Variants in SLC22A24 observed in about 807,000 individuals in gnomAD.
SLC22A24 encodes steroid transmembrane transporter SLC22A24.
In SLC22A24, 53 loss-of-function variants were observed where a neutral mutation model predicts 49.8. The ratio of observed to expected loss-of-function variants is 1.06; its 90% CI spans 0.85 to 1.34. The LOEUF is 1.34. Among genes scored for constraint, SLC22A24 ranks in the 40% most tolerant of loss-of-function variants. SLC22A24 has a pLI of 0.00. For missense variants in SLC22A24, 786 were observed against 675.9 expected, an observed-to-expected ratio of 1.16 and a Z score of -1.81; for synonymous variants, 302 against 256.4, an observed-to-expected ratio of 1.18 and a Z score of -1.70.
At chr11:63,115,197 G>T (rs2096780) in intron 4 of SLC22A24, among the ~76,000 whole-genome samples, 120,559 of 152,184 alleles carry the variant, frequency 0.79, 48,958 homozygotes, top group East Asian at 0.9. Flanking sequence ...CAGTAGGCCT[G>T]GCTGAGCTGT....
chr11:63,138,955 A>T (rs2087395431), intron 1 of SLC22A24, among the ~76,000 whole-genome samples: 4 of 152,262 alleles, frequency 2.6e-5, no homozygotes, highest in Middle Eastern at 6.8e-3. Context: ...TCTTTAAAGC[A>T]CCTAGGAGGT....
At chr11:63,129,335 A>T (rs2105765) in intron 2 of SLC22A24, among the ~76,000 whole-genome samples, 120,986 of 152,114 alleles carry the variant, frequency 0.8, 49,208 homozygotes, top group East Asian at 0.9. Context: ...ATCGGTCTAT[A>T]TATCTGTTTT....
chr11:63,116,299 C>T (rs11828937), intron 4 of SLC22A24: 2,941 of 244,946 alleles, frequency 0.012, 93 homozygotes, highest in African/African-American at 0.061. Flanking sequence ...TGCCATTTTT[C>T]GGACTGGTTG....
chr11:63,114,564 A>T (rs1295599354), intron 4 of SLC22A24, among the ~76,000 whole-genome samples: 1 of 152,178 alleles, frequency 6.6e-6, no homozygotes, highest in Non-Finnish European at 1.5e-5. Flanking sequence ...CTGTTAACTC[A>T]TCAAAGTAGC....
In SLC22A24 at chr11:63,143,605, C is replaced by T; in HGVS notation, c.175G>A (p.Val59Met). Residue 59 changes from valine to methionine, a missense_variant, in exon 1 of 10, where the codon GTG (valine) becomes ATG (methionine). By Grantham distance (21) the Val-to-Met change is conservative. Transcript: ENST00000612278. ...CWVPLLDNDT[V>M]SDNDTGTLSK... Reference sequence around the variant, plus strand: ...AGGGTCCCGGTATCATTGTCAGACACAGTGTCATTGTCCAGGAGGGGGACC... The same window carrying T: ...AGGGTCCCGGTATCATTGTCAGACATAGTGTCATTGTCCAGGAGGGGGACC... The T allele has an allele frequency of 6.3e-7, 1 of 1,578,718 alleles. No homozygotes were observed. Among genetic ancestry groups the T allele is most frequent in the Non-Finnish European group, 8.6e-7 (1 of 1,163,802 alleles).
At chr11:63,093,085 A>T (rs1303734559) in intron 6 of SLC22A24, among the ~76,000 whole-genome samples, 1 of 152,254 alleles carries the variant, frequency 6.6e-6, no homozygotes, top group African/African-American at 2.4e-5. Context: ...CAAACATGAA[A>T]AAAAGCTCAT....
At chr11:63,134,822 A>T in intron 1 of SLC22A24, 54 bp from the exon 2 acceptor site, 4 of 1,273,594 alleles carry the variant, frequency 3.1e-6, no homozygotes, top group Non-Finnish European at 4.5e-6. Context: ...TCAACTCTTT[A>T]GTAGAAACTG....
At position 63,137,055 on chromosome 11, in the gene SLC22A24, G is replaced by A. The variant is rs566188476; in HGVS notation, c.403-2287C>T. On this transcript the variant is annotated intron_variant, in intron 1 of 9. Coordinates refer to ENST00000612278, the MANE Select transcript of SLC22A24 (RefSeq NM_001136506.2). ...GGATTCTGTAGCCCTGTGGTGGGATGTCTGTAGCCCCATTGCAGGGTGTCT... is the reference window on the plus strand; with the variant it reads ...GGATTCTGTAGCCCTGTGGTGGGATATCTGTAGCCCCATTGCAGGGTGTCT... Among the ~76,000 whole-genome samples the A allele has an allele frequency of 3.0e-4, 46 of 152,224 alleles. 1 individual carries two copies. The highest frequency in any genetic ancestry group is 9.6e-4 in the African/African-American group (40 of 41,538).
Position 63,104,282 on chromosome 11 carries a change from C to G in SLC22A24, c.847G>C (p.Ala283Pro), listed in dbSNP as rs546936200. Residue 283 changes from alanine to proline, a missense_variant, in exon 5 of 10, where the codon GCT (alanine) becomes CCT (proline). Ala to Pro is a conservative substitution (Grantham distance 27). Transcript: ENST00000612278. ...FLSSWKMVES[A>P]RWLIINNQLD... Reference sequence around the variant, plus strand: ...TGATTGTTGATAATCAGCCACCGAGCAGACTCCACCATCTTCCTGATGAAA... The same window carrying G: ...TGATTGTTGATAATCAGCCACCGAGGAGACTCCACCATCTTCCTGATGAAA... 6.5e-6 allele frequency: 10 copies of G among 1,549,606 alleles called. No individual in the cohort carries two copies. The highest frequency in any genetic ancestry group is 1.7e-4 in the Middle Eastern group (1 of 5,990).
intron 6 of SLC22A24, among the ~76,000 whole-genome samples, chr11:63,088,455 T>C (rs2135194648): frequency 6.6e-6 from 1 of 152,026 alleles, no homozygotes; most frequent in East Asian, 1.9e-4. Context: ...CAAAGGTAGA[T>C]AAATCCAAGA....
chr11:63,133,663 A>T (rs1423033959), intron 2 of SLC22A24, among the ~76,000 whole-genome samples: 1 of 151,738 alleles, frequency 6.6e-6, no homozygotes, highest in Non-Finnish European at 1.5e-5. Context: ...TTTTTTTCAG[A>T]CAGTGTCTCG....
chr11:63,123,243 C>A (rs1032269655), intron 2 of SLC22A24, among the ~76,000 whole-genome samples: 1 of 151,976 alleles, frequency 6.6e-6, no homozygotes, highest in African/African-American at 2.4e-5. Context: ...TACAGGGTAA[C>A]TTTGAAACCT....
In SLC22A24 at chr11:63,143,452, C is replaced by T. The variant is rs1031348830; in HGVS notation, c.328G>A (p.Glu110Lys). Residue 110 changes from glutamate to lysine, a missense_variant, in exon 1 of 10, where the codon GAG (glutamate) becomes AAG (lysine). Physicochemically the swap from Glu to Lys is moderately conservative, Grantham distance 56. Transcript: ENST00000612278. ...TCCACACAGGGCTCCGTGTCTGGCT[C>T]ATTTGTGTTGGGGAAGGTCCCGTTC... ...HLNGTFPNTN[E>K]PDTEPCVDGW... 9 of 1,583,772 alleles carry T rather than the reference C, an allele frequency of 5.7e-6. No homozygotes were observed. The highest frequency in any genetic ancestry group is 4.6e-5 in the East Asian group (2 of 43,138).
chr11:63,128,518 C>A (rs1287076002), intron 2 of SLC22A24, among the ~76,000 whole-genome samples: 1 of 152,208 alleles, frequency 6.6e-6, no homozygotes, highest in Non-Finnish European at 1.5e-5. Flanking sequence ...AACCATCTCC[C>A]TGTGATGCTG....
At chr11:63,127,965 TTTAA>T (rs1193362245) in intron 2 of SLC22A24, among the ~76,000 whole-genome samples, 1 of 151,980 alleles carries the variant, frequency 6.6e-6, no homozygotes, top group Non-Finnish European at 1.5e-5. Flanking sequence ...AGCTCTTTAG[TTTAA>T]TTAGTGTGGG....
chr11:63,080,031 A>G, intron 9 of SLC22A24, 31 bp from the exon 10 acceptor site: 2 of 1,388,158 alleles, frequency 1.4e-6, no homozygotes, highest in Admixed American at 2.0e-5. Flanking sequence ...CAAAAACAAG[A>G]TTAAGAAACA....
rs150524866 is a variant in SLC22A24 at position 63,089,560 on chromosome 11, C to T, written c.1071-6103G>A. On this transcript the variant is annotated intron_variant, in intron 6 of 9. Transcript: ENST00000612278. ...CATCATGATGATAGGATCAAATTCA[C>T]ACATAACAATATTAACCTTAAATGT... Among the ~76,000 whole-genome samples the T allele has an allele frequency of 4.1e-4, 63 of 152,238 alleles. 1 individual carries two copies. The highest frequency in any genetic ancestry group is 1.4e-3 in the African/African-American group (58 of 41,546).
At position 63,081,155 on chromosome 11, in the gene SLC22A24, T is replaced by C. The variant is rs151019855; in HGVS notation, c.1395-32A>G. 5.7e-3 allele frequency: 8,602 copies of C among 1,510,712 alleles called. 48 individuals are homozygous for C. The highest frequency in any genetic ancestry group is 0.021 in the Middle Eastern group (125 of 5,866). 93.6% of individuals were successfully genotyped at this position (1,510,712 alleles called of 1,614,324 possible). A position where few individuals can be genotyped will look rare whatever the true frequency, so the allele number is the denominator to read the frequency against. On this transcript the variant is annotated intron_variant, in intron 8 of 9. Transcript: ENST00000612278. ...GTGCAAATAACAATACAAAAAATCT[T>C]GTATGAATCTGTACATGTCAGCTCT... is the stretch of plus-strand genomic sequence containing the variant.
chr11:63,128,024 C>T (rs2087304952), intron 2 of SLC22A24, among the ~76,000 whole-genome samples: 1 of 51,434 alleles, frequency 1.9e-5, no homozygotes, highest in Non-Finnish European at 6.0e-5. Context: ...AGAGCAGGAG[C>T]TGTTCCAGTA....
Sources: allele counts gnomAD v4.1 joint callset (sites outside exome capture counted in the v4.1 genomes callset), GRCh38; gene constraint gnomAD v4.1.1; transcripts MANE v1.5; gene names NCBI Gene and HGNC (gene_info 2026-07-23, HGNC 2026-07-21).